Variants in ESR1 observed in about 807,000 individuals in gnomAD.
The protein encoded by ESR1 is estrogen receptor.
A neutral mutation model predicts 52.7 loss-of-function variants in ESR1; 12 were observed. That is an observed-to-expected ratio of 0.23 (90% CI 0.15 to 0.37). The LOEUF is 0.37. ESR1 is among the 10% of genes least tolerant of loss of function. ESR1 has a pLI of 1.00. For missense variants in ESR1, 584 were observed against 779.7 expected (o/e 0.75, Z 2.99); for synonymous variants, 305 against 316.8 (o/e 0.96, Z 0.39).
chr6:151,899,004 A>G (rs988147200), intron 3 of ESR1, among the ~76,000 whole-genome samples: 6 of 150,028 alleles, frequency 4.0e-5, no homozygotes, highest in African/African-American at 1.5e-4. Flanking sequence ...CACCTCCCGG[A>G]CGGGGCGGCT....
intron 2 of ESR1, among the ~76,000 whole-genome samples, chr6:151,850,594 A>G (rs1371574589): frequency 6.6e-6 from 1 of 151,884 alleles, no homozygotes; most frequent in African/African-American, 2.4e-5. Flanking sequence ...TATCTCCCAA[A>G]TCTTGCTCCT....
At chr6:151,801,777 G>A (rs1044640705), upstream of ESR1, among the ~76,000 whole-genome samples, 1 of 152,216 alleles carries the variant, frequency 6.6e-6, no homozygotes, top group Admixed American at 6.5e-5. Context: ...GTGGCCTTGG[G>A]GGTCCCATTG....
intron 1 of ESR1, among the ~76,000 whole-genome samples, chr6:151,814,953 G>A (rs1015440911): frequency 6.6e-5 from 10 of 152,188 alleles, no homozygotes; most frequent in East Asian, 1.9e-4. Context: ...CCATGTGAAC[G>A]TGTACAAGGC....
chr6:151,807,821 T>G lies in ESR1; in HGVS notation c.-92T>G. On this transcript the variant is annotated 5_prime_UTR_variant, in exon 1 of 8. Coordinates refer to ENST00000206249, the MANE Select transcript of ESR1 (RefSeq NM_000125.4). ...GACATGCGCTGCGTCGCCTCTAACC[T>G]CGGGCTGTGCTCTTTTTCCAGGTGG... 1 of 1,173,744 alleles carries G rather than the reference T, an allele frequency of 8.5e-7. No homozygotes were observed. The highest frequency in any genetic ancestry group is 1.2e-6 in the Non-Finnish European group (1 of 807,040). The allele number at this position is 1,173,744 out of a possible 1,614,324, so 72.7% of individuals were successfully genotyped here.
At chr6:151,755,706 C>A (rs1220081166) in intron 2 of ESR1, among the ~76,000 whole-genome samples, 2 of 152,064 alleles carry the variant, frequency 1.3e-5, no homozygotes, top group African/African-American at 4.8e-5. Context: ...TCTCTACTCA[C>A]TGCAACTTCC....
At chr6:152,077,872 C>T (rs1373478744) in intron 6 of ESR1, among the ~76,000 whole-genome samples, 1 of 152,136 alleles carries the variant, frequency 6.6e-6, no homozygotes. Context: ...ATTTTACAGG[C>T]TCATAGGCAA....
In ESR1 at chr6:151,749,876, G is replaced by A. The variant is rs907869217; in HGVS notation, c.-71+47871G>A. Among the ~76,000 whole-genome samples, 3 of 152,298 alleles carry A rather than the reference G, an allele frequency of 2.0e-5. 1 individual carries two copies. The South Asian group carries it at 6.2e-4, about 32-fold the overall frequency. On this transcript the variant is annotated intron_variant, in intron 2 of 2. Coordinates refer to the ESR1 transcript ENST00000404742. ...CAGAAACAAGTTACAGAGACCTCAA[G>A]TGATTAATAAACAAGATTATTCTAT...
chr6:152,064,517 T>C (rs773051284), intron 6 of ESR1, among the ~76,000 whole-genome samples: 8 of 152,226 alleles, frequency 5.3e-5, no homozygotes, highest in Non-Finnish European at 1.0e-4. Flanking sequence ...CAGTCTAGGA[T>C]TTGGTTAGTT....
chr6:151,877,489 G>C (rs539521701), intron 2 of ESR1, among the ~76,000 whole-genome samples: 2 of 152,142 alleles, frequency 1.3e-5, no homozygotes, highest in African/African-American at 4.8e-5. Flanking sequence ...AAGGTTTGCC[G>C]TATGAACATG....
intron 6 of ESR1, among the ~76,000 whole-genome samples, chr6:152,114,681 G>C (rs536146645): frequency 6.6e-6 from 1 of 151,806 alleles, no homozygotes; most frequent in Admixed American, 6.5e-5. Flanking sequence ...CACGAGGTCA[G>C]GAGATCGAGA....
chr6:151,926,902 A>C (rs1380084679), intron 3 of ESR1, among the ~76,000 whole-genome samples: 1 of 152,156 alleles, frequency 6.6e-6, no homozygotes, highest in Non-Finnish European at 1.5e-5. Context: ...AGGAGGAATG[A>C]GATAAGATAT....
chr6:151,911,404 A>G (rs920421200), intron 3 of ESR1, among the ~76,000 whole-genome samples: 1 of 152,202 alleles, frequency 6.6e-6, no homozygotes, highest in African/African-American at 2.4e-5. Flanking sequence ...TGTATTTTCA[A>G]TAACTATATT....
intron 4 of ESR1, among the ~76,000 whole-genome samples, chr6:151,953,797 T>C (rs2036596676): frequency 6.6e-6 from 1 of 152,158 alleles, no homozygotes; most frequent in Non-Finnish European, 1.5e-5. Flanking sequence ...CTATTTCCTA[T>C]ATAACTCCCT....
At chr6:151,699,461 C>T (rs771960276) in intron 1 of ESR1, among the ~76,000 whole-genome samples, 14 of 152,182 alleles carry the variant, frequency 9.2e-5, no homozygotes, top group East Asian at 1.9e-4. Flanking sequence ...CTATTCTCAG[C>T]GGAGTAGTAT....
chr6:151,835,420 C>T (rs933846127), intron 1 of ESR1, among the ~76,000 whole-genome samples: 1 of 152,092 alleles, frequency 6.6e-6, no homozygotes, highest in African/African-American at 2.4e-5. Flanking sequence ...CTGAGGAACA[C>T]TGGTGTTTAG....
At chr6:151,938,282 G>T (rs569692994) in intron 3 of ESR1, among the ~76,000 whole-genome samples, 8 of 152,196 alleles carry the variant, frequency 5.3e-5, no homozygotes, top group African/African-American at 1.7e-4. Flanking sequence ...GAGTGCATTA[G>T]AAGCATAATC....
At chr6:151,912,759 G>A (rs1798464557) in intron 3 of ESR1, among the ~76,000 whole-genome samples, 1 of 152,182 alleles carries the variant, frequency 6.6e-6, no homozygotes, top group South Asian at 2.1e-4. Context: ...ATGAGTTCCT[G>A]TCCTTTGCAG....
chr6:151,780,030 C>T (rs954161466), intron 2 of ESR1, among the ~76,000 whole-genome samples: 1 of 151,708 alleles, frequency 6.6e-6, no homozygotes, highest in African/African-American at 2.4e-5. Flanking sequence ...TCTCAGCAAA[C>T]TAACACAGAA....
intron 2 of ESR1, among the ~76,000 whole-genome samples, chr6:151,721,287 G>A (rs759045245): frequency 3.3e-5 from 5 of 152,182 alleles, no homozygotes; most frequent in African/African-American, 9.7e-5. Context: ...TAGGGGAGTC[G>A]TAAGTGGTTC....
Sources: allele counts gnomAD v4.1 joint callset (sites outside exome capture counted in the v4.1 genomes callset), GRCh38; gene constraint gnomAD v4.1.1; transcripts MANE v1.5; gene names NCBI Gene and HGNC (gene_info 2026-07-23, HGNC 2026-07-21).